Variants in FRMD4A observed in about 807,000 individuals in gnomAD.
FRMD4A encodes FERM domain containing 4A.
Under a neutral mutation model 129.1 loss-of-function variants are expected in FRMD4A, and 29 were observed. That is an observed-to-expected ratio of 0.22 (90% confidence interval 0.17 to 0.31). The LOEUF is 0.31. FRMD4A is among the 10% of genes least tolerant of loss of function. The pLI, the probability that FRMD4A is intolerant of heterozygous loss-of-function variation, is 1.00. For missense variants in FRMD4A, 1,272 were observed against 1,375.8 expected, an observed-to-expected ratio of 0.92 and a Z score of 1.19; for synonymous variants, 634 against 571.6, an observed-to-expected ratio of 1.11 and a Z score of -1.56.
intron 3 of FRMD4A, among the ~76,000 whole-genome samples, chr10:13,820,612 G>A (rs1158170508): frequency 6.6e-6 from 1 of 152,144 alleles, no homozygotes; most frequent in African/African-American, 2.4e-5. Context: ...TGTGCTTTGG[G>A]AGGAACCACG....
intron 2 of FRMD4A, among the ~76,000 whole-genome samples, chr10:14,060,619 A>G (rs1431552340): frequency 6.6e-6 from 1 of 152,244 alleles, no homozygotes; most frequent in Non-Finnish European, 1.5e-5. Flanking sequence ...AGTGCTTTCA[A>G]CATTGGAAAA....
At position 14,224,817 on chromosome 10, in the gene FRMD4A, G is replaced by A. The variant is rs150615851; in HGVS notation, c.45+105241C>T. 1.1e-4 allele frequency among the ~76,000 whole-genome samples: 17 copies of A among 152,324 alleles called. No homozygotes were observed. In the East Asian group the frequency reaches 2.9e-3, roughly 26 times the overall value. ...ACTGGCCTGAAGCTATGGGGAGACA[G>A]GCCTCAAGTTTTGTCAACTTTTTTT... On this transcript the variant is annotated intron_variant, in intron 2 of 24. Transcript: ENST00000357447.
chr10:13,911,647 C>T (rs941400818), intron 2 of FRMD4A, among the ~76,000 whole-genome samples: 4 of 152,128 alleles, frequency 2.6e-5, no homozygotes, highest in African/African-American at 9.7e-5. Context: ...CTGCAACCTC[C>T]GCCTCCCGGG....
At chr10:13,700,884 T>C (rs1282327686) in intron 14 of FRMD4A, among the ~76,000 whole-genome samples, 1 of 140,272 alleles carries the variant, frequency 7.1e-6, no homozygotes, top group Non-Finnish European at 1.5e-5. Flanking sequence ...AAAAATGGAG[T>C]TGGCAGTTGG....
chr10:14,105,015 C>G (rs780325512), intron 2 of FRMD4A, among the ~76,000 whole-genome samples: 2 of 152,210 alleles, frequency 1.3e-5, no homozygotes, highest in African/African-American at 2.4e-5. Flanking sequence ...CACGGGGTCC[C>G]CACGCCGCAG....
intron 2 of FRMD4A, among the ~76,000 whole-genome samples, chr10:14,297,137 ATTTTT>A (rs34998308): frequency 3.4e-5 from 5 of 146,918 alleles, no homozygotes; most frequent in African/African-American, 1.3e-4. Context: ...TCTCTTTCTC[ATTTTT>A]TTTTTTTTCT....
intron 2 of FRMD4A, among the ~76,000 whole-genome samples, chr10:14,063,120 A>G (rs1834891053): frequency 6.6e-6 from 1 of 152,232 alleles, no homozygotes; most frequent in Non-Finnish European, 1.5e-5. Flanking sequence ...CTTTACACTT[A>G]AGAAGCAGAG....
chr10:13,814,684 A>C (rs2130886864), intron 3 of FRMD4A, among the ~76,000 whole-genome samples: 1 of 151,628 alleles, frequency 6.6e-6, no homozygotes, highest in East Asian at 1.9e-4. Flanking sequence ...AGAAAGAAAG[A>C]GAGAGAGAAA....
intron 15 of FRMD4A, chr10:13,685,351 TA>T: frequency 1.0e-6 from 1 of 984,810 alleles, no homozygotes; most frequent in Non-Finnish European, 1.2e-6. Flanking sequence ...AAATGTAATT[TA>T]ACAGAGAGAG....
chr10:13,819,285 C>T (rs1315625392), intron 3 of FRMD4A, among the ~76,000 whole-genome samples: 2 of 152,176 alleles, frequency 1.3e-5, no homozygotes, highest in Non-Finnish European at 2.9e-5. Flanking sequence ...CATTTCTGTT[C>T]AATCTATTTG....
chr10:13,778,728 A>G (rs993267023), intron 6 of FRMD4A, among the ~76,000 whole-genome samples: 4 of 151,984 alleles, frequency 2.6e-5, no homozygotes, highest in African/African-American at 9.7e-5. Context: ...CTTTGAATCC[A>G]TCCATCGAAC....
chr10:13,754,261 C>T (rs1026091852), intron 8 of FRMD4A, among the ~76,000 whole-genome samples: 12 of 151,022 alleles, frequency 7.9e-5, no homozygotes, highest in South Asian at 2.1e-4. Flanking sequence ...CTAAGCAATT[C>T]GCATAGAATT....
intron 14 of FRMD4A, 55 bp from the exon 15 acceptor site, chr10:13,694,094 C>G (rs2085989705): frequency 6.9e-7 from 1 of 1,450,604 alleles, no homozygotes; most frequent in Admixed American, 2.5e-5. Context: ...GCGGAAAGGA[C>G]AGTCATCCCT....
At chr10:14,033,287 A>G (rs1833336280) in intron 2 of FRMD4A, among the ~76,000 whole-genome samples, 1 of 148,220 alleles carries the variant, frequency 6.7e-6, no homozygotes, top group African/African-American at 2.5e-5. Context: ...AGACTGGCCA[A>G]CAGAGCGAGA....
At chr10:13,665,779 C>T (rs1270975813) in intron 18 of FRMD4A, among the ~76,000 whole-genome samples, 2 of 152,224 alleles carry the variant, frequency 1.3e-5, no homozygotes, top group Non-Finnish European at 2.9e-5. Context: ...AGAGCCTGGT[C>T]TAGCCCAGTC....
chr10:13,832,596 C>G (rs940495860), intron 3 of FRMD4A, among the ~76,000 whole-genome samples: 10 of 152,152 alleles, frequency 6.6e-5, no homozygotes, highest in African/African-American at 2.4e-4. Flanking sequence ...CTCTGTCACT[C>G]AGGCTGAAGT....
rs189735468 is a variant in FRMD4A, at chr10:13,761,343, C to A, written c.464+304G>T. Among the ~76,000 whole-genome samples, 318 of 152,320 alleles carry A rather than the reference C, an allele frequency of 2.1e-3. 2 individuals carry two copies. The highest frequency in any genetic ancestry group is 6.7e-3 in the African/African-American group (278 of 41,576). On this transcript the variant is annotated intron_variant, in intron 8 of 24. Transcript: ENST00000357447. ...TTTACACCACAGTGGTGATTCCAGCCTCTACGAGACATTTGAGCAGCCTGT... is the reference window on the plus strand; with the variant it reads ...TTTACACCACAGTGGTGATTCCAGCATCTACGAGACATTTGAGCAGCCTGT...
At chr10:14,171,266 A>G (rs988453185) in intron 2 of FRMD4A, among the ~76,000 whole-genome samples, 1 of 152,022 alleles carries the variant, frequency 6.6e-6, no homozygotes, top group Non-Finnish European at 1.5e-5. Context: ...ATCATTTGCT[A>G]TGGTTGAAAT....
chr10:14,268,809 T>C (rs985600994), intron 2 of FRMD4A, among the ~76,000 whole-genome samples: 13 of 151,336 alleles, frequency 8.6e-5, no homozygotes, highest in African/African-American at 2.9e-4. Flanking sequence ...ATTTCTGCTA[T>C]GTGAAAACTC....
Sources: gnomAD v4.1 joint callset for allele counts (sites outside exome capture counted in the v4.1 genomes callset) on GRCh38, gnomAD v4.1.1 for gene constraint, MANE v1.5 for transcripts, NCBI Gene and HGNC (gene_info 2026-07-23, HGNC 2026-07-21) for gene names.